Variants in CRYBB2 observed in about 807,000 individuals in gnomAD.
CRYBB2 encodes beta-crystallin B2.
CRYBB2 carries 12 observed loss-of-function variants against 24.3 expected under a neutral mutation model. The ratio of observed to expected loss-of-function variants is 0.49; its 90% CI spans 0.32 to 0.80. CRYBB2 has a LOEUF of 0.80. Among genes scored for constraint, CRYBB2 ranks in the 30% least tolerant of loss-of-function variants. The pLI is 0.04. For missense variants in CRYBB2, 198 were observed against 268.5 expected, an observed-to-expected ratio of 0.74 and a Z score of 1.83; for synonymous variants, 98 against 101.6, an observed-to-expected ratio of 0.96 and a Z score of 0.21.
chr22:25,229,101 G>A (rs573449655), intron 4 of CRYBB2, among the ~76,000 whole-genome samples: 3 of 152,112 alleles, frequency 2.0e-5, no homozygotes, highest in Admixed American at 6.5e-5. Context: ...GTGTGCATGT[G>A]TGTGTGTGTG....
intron 4 of CRYBB2, among the ~76,000 whole-genome samples, chr22:25,229,081 A>G (rs1188397718): frequency 6.8e-6 from 1 of 146,672 alleles, no homozygotes; most frequent in East Asian, 2.0e-4. Flanking sequence ...GCGTGTGCAC[A>G]CATGTGTGGG....
At chr22:25,222,666 G>C (rs74624254) in intron 2 of CRYBB2, among the ~76,000 whole-genome samples, 1 of 152,200 alleles carries the variant, frequency 6.6e-6, no homozygotes, top group Non-Finnish European at 1.5e-5. Flanking sequence ...AATGAACTGG[G>C]TGAGTTTGGA....
chr22:25,231,255 A>G (rs1448016936), intron 5 of CRYBB2, among the ~76,000 whole-genome samples: 1 of 151,974 alleles, frequency 6.6e-6, no homozygotes, highest in Non-Finnish European at 1.5e-5. Context: ...CTGGAGGGAG[A>G]CGGTTCAAAG....
At chr22:25,228,572 C>T (rs1356258403) in intron 4 of CRYBB2, among the ~76,000 whole-genome samples, 1 of 152,144 alleles carries the variant, frequency 6.6e-6, no homozygotes, top group African/African-American at 2.4e-5. Flanking sequence ...CAGTTATACT[C>T]TCAAACCCTC....
At chr22:25,231,113 T>C (rs1250603748) in intron 5 of CRYBB2, among the ~76,000 whole-genome samples, 2 of 152,162 alleles carry the variant, frequency 1.3e-5, no homozygotes, top group Non-Finnish European at 2.9e-5. Flanking sequence ...AGGCCAGGCC[T>C]GTGTGACATT....
At chr22:25,222,609 G>C (rs776681652) in intron 2 of CRYBB2, among the ~76,000 whole-genome samples, 11 of 152,182 alleles carry the variant, frequency 7.2e-5, no homozygotes, top group Non-Finnish European at 1.6e-4. Context: ...GGGTTGATGA[G>C]AGCATCCAGA....
At chr22:25,228,341 G>GC in intron 4 of CRYBB2, among the ~76,000 whole-genome samples, 1 of 141,260 alleles carries the variant, frequency 7.1e-6, no homozygotes, top group Non-Finnish European at 1.5e-5. Flanking sequence ...GTTGGTGCCC[G>GC]CCCCCCGCGC....
upstream of CRYBB2, among the ~76,000 whole-genome samples, chr22:25,218,744 A>AG (rs1569015990): frequency 2.1e-3 from 66 of 31,202 alleles, 2 homozygotes; most frequent in South Asian, 6.5e-3. Flanking sequence ...GGGGAGAGAG[A>AG]GAGAGAGAGA....
At chr22:25,214,621 T>A (rs185329872) in intron 1 of CRYBB2, among the ~76,000 whole-genome samples, 30 of 152,354 alleles carry the variant, frequency 2.0e-4, no homozygotes, top group African/African-American at 7.2e-4. Flanking sequence ...AAGCTATAGT[T>A]ACTGAGCGCT....
At chr22:25,220,980 C>A (rs751078856) in intron 1 of CRYBB2, among the ~76,000 whole-genome samples, 5 of 152,106 alleles carry the variant, frequency 3.3e-5, no homozygotes, top group Non-Finnish European at 7.4e-5. Flanking sequence ...AACTGGGCAC[C>A]ACCACACCAC....
At chr22:25,219,610 T>C (rs2146085874), upstream of CRYBB2, 1 of 152,336 alleles carries the variant, frequency 6.6e-6, no homozygotes, top group Admixed American at 6.5e-5. Flanking sequence ...GGGGAAGGTA[T>C]AAATGCCACC....
In CRYBB2 at chr22:25,224,973, C is replaced by T. The variant is rs375592518; in HGVS notation, c.110C>T (p.Pro37Leu). 8.1e-6 allele frequency: 13 copies of T among 1,613,338 alleles called. No homozygotes were observed. Among genetic ancestry groups the T allele is most frequent in the Non-Finnish European group, 1.1e-5 (13 of 1,179,392 alleles). ...GGCCACTCGCATGAGCTCAATGGGC[C>T]CTGCCCCAACCTGAAGGAAACTGGC... ...FQGHSHELNG[P>L]CPNLKETGVE... Residue 37 changes from proline (P) to leucine (L), a missense_variant, in exon 3 of 6, where the codon CCC becomes CTC. Coordinates refer to ENST00000398215, the MANE Select transcript of CRYBB2 (RefSeq NM_000496.3).
upstream of CRYBB2, among the ~76,000 whole-genome samples, chr22:25,218,838 G>GAGAA (rs1402128611): frequency 6.1e-5 from 6 of 98,070 alleles, 1 homozygote; most frequent in South Asian, 8.4e-4. Context: ...AAGAAAGAAA[G>GAGAA]AGAAAGAAAG....
intron 3 of CRYBB2, among the ~76,000 whole-genome samples, chr22:25,226,321 G>A (rs1018657704): frequency 3.3e-5 from 5 of 152,132 alleles, no homozygotes; most frequent in African/African-American, 9.7e-5. Context: ...TTATGTTGGT[G>A]TTTTTCAAAG....
rs56950966 is a variant in CRYBB2 at position 25,226,940 on chromosome 22, C to T, written c.174-913C>T. Among the ~76,000 whole-genome samples the T allele has an allele frequency of 5.3e-3, 804 of 152,286 alleles. 14 individuals carry two copies. Among genetic ancestry groups the T allele is most frequent in the African/African-American group, 0.018 (745 of 41,558 alleles). ...CCGCTCACCTCGGCCTCCCAAAGTG[C>T]TGGGATTACAGGCGTGAGCCACAGC... On this transcript the variant is annotated intron_variant, in intron 3 of 5. Coordinates refer to ENST00000398215, the MANE Select transcript of CRYBB2 (RefSeq NM_000496.3).
At chr22:25,220,796 G>A (rs758348128) in intron 1 of CRYBB2, among the ~76,000 whole-genome samples, 7 of 152,244 alleles carry the variant, frequency 4.6e-5, no homozygotes, top group African/African-American at 9.6e-5. Context: ...GATTTCTACC[G>A]TCGCACCCAT....
chr22:25,220,335 C>T (rs1432378769), intron 1 of CRYBB2, among the ~76,000 whole-genome samples: 1 of 152,212 alleles, frequency 6.6e-6, no homozygotes, highest in Admixed American at 6.5e-5. Context: ...TTTTATAGAA[C>T]AGGAAGTTGA....
upstream of CRYBB2, among the ~76,000 whole-genome samples, chr22:25,219,189 A>G (rs141884766): frequency 5.1e-3 from 783 of 152,296 alleles, 2 homozygotes; most frequent in Non-Finnish European, 8.9e-3. Flanking sequence ...CTCCCCTGGA[A>G]CAGAGATTGT....
chr22:25,211,818 A>C (rs5996857), upstream of CRYBB2, among the ~76,000 whole-genome samples: 3,927 of 152,304 alleles, frequency 0.026, 179 homozygotes, highest in African/African-American at 0.09. Flanking sequence ...TCATTTTACC[A>C]GCTTAATTGA....
Sources: allele counts gnomAD v4.1 joint callset (sites outside exome capture counted in the v4.1 genomes callset), GRCh38; gene constraint gnomAD v4.1.1; transcripts MANE v1.5; gene names NCBI Gene and HGNC (gene_info 2026-07-23, HGNC 2026-07-21).